The following IQSEC1 variants were observed in gnomAD, a reference collection of about 807,000 sequenced individuals.
IQSEC1 encodes the protein IQ motif and SEC7 domain-containing protein 1.
In IQSEC1, 31 loss-of-function variants were observed where a neutral mutation model predicts 91.0. That is an observed-to-expected ratio of 0.34 (90% confidence interval 0.26 to 0.46). The LOEUF is 0.46. Among genes scored for constraint, IQSEC1 ranks in the 20% least tolerant of loss-of-function variants. The pLI is 1.00. For missense variants in IQSEC1, 1,388 were observed against 1,575.6 expected (o/e 0.88, Z 2.02); for synonymous variants, 699 against 662.6 (o/e 1.05, Z -0.84).
rs1694153143 is a variant in IQSEC1, at chr3:12,900,595, C to T, written c.*388G>A. ...CAGCAAGTTTTGGGGTTTGTTTTGT[C>T]TGTTTTTGTATCTCATTTCTTCGTT... On this transcript the variant is annotated 3_prime_UTR_variant, in exon 14 of 14. Transcript: ENST00000613206. The T allele has an allele frequency of 1.9e-6, 2 of 1,026,716 alleles. No homozygotes were observed. The highest frequency in any genetic ancestry group is 2.3e-6 in the Non-Finnish European group (2 of 855,770). 63.6% of individuals were successfully genotyped at this position (1,026,716 alleles called of 1,614,324 possible).
At chr3:13,188,722 T>A (rs1693972441) in intron 1 of IQSEC1, among the ~76,000 whole-genome samples, 1 of 152,174 alleles carries the variant, frequency 6.6e-6, no homozygotes, top group Non-Finnish European at 1.5e-5. Flanking sequence ...GAAGTCCTCT[T>A]TCACCGCAGG....
At chr3:13,015,748 C>T (rs775294394) in intron 1 of IQSEC1, 6 of 985,150 alleles carry the variant, frequency 6.1e-6, no homozygotes, top group Non-Finnish European at 7.2e-6. Context: ...GGGTGCCAGG[C>T]ACCCTGGGGC....
At chr3:13,166,288 C>G (rs1350858303) in intron 1 of IQSEC1, among the ~76,000 whole-genome samples, 1 of 152,250 alleles carries the variant, frequency 6.6e-6, no homozygotes, top group Non-Finnish European at 1.5e-5. Context: ...CCACGTGAAG[C>G]TCTCTATTTA....
rs1693767731 is a variant in IQSEC1, at chr3:12,897,571, A to G, written c.*3412T>C. On this transcript the variant is annotated 3_prime_UTR_variant, in exon 14 of 14. Transcript: ENST00000613206. The stretch of plus-strand genomic sequence containing the variant: ...GCCTCCTCCCTCTTGTCCTGTGCTC[A>G]GCACCCCCACCTCACCCTGCTCAGT... 1 of 152,254 alleles carries G rather than the reference A, an allele frequency of 6.6e-6. No homozygotes were observed. Among genetic ancestry groups the G allele is most frequent in the Admixed American group, 6.5e-5 (1 of 15,290 alleles). 9.4% of individuals were successfully genotyped at this position (152,254 alleles called of 1,614,324 possible). A position where few individuals can be genotyped will look rare whatever the true frequency, so the allele number is the denominator to read the frequency against.
chr3:13,187,646 T>A (rs1187453736), intron 1 of IQSEC1, among the ~76,000 whole-genome samples: 1 of 152,218 alleles, frequency 6.6e-6, no homozygotes. Context: ...TAAACATTTA[T>A]ACACTAAATA....
At chr3:13,178,852 A>G (rs1369845310) in intron 1 of IQSEC1, among the ~76,000 whole-genome samples, 1 of 152,232 alleles carries the variant, frequency 6.6e-6, no homozygotes, top group Non-Finnish European at 1.5e-5. Flanking sequence ...ATAAACATAG[A>G]AACTGACCCT....
chr3:13,118,642 C>T (rs1706374200), intron 2 of IQSEC1, among the ~76,000 whole-genome samples: 1 of 152,122 alleles, frequency 6.6e-6, no homozygotes, highest in Admixed American at 6.5e-5. Context: ...TGGTGCTTGC[C>T]AAAGGCTGGG....
intron 3 of IQSEC1, among the ~76,000 whole-genome samples, chr3:12,931,323 C>A (rs1697653746): frequency 6.6e-6 from 1 of 152,196 alleles, no homozygotes; most frequent in African/African-American, 2.4e-5. Context: ...GAGAGCCCAT[C>A]CTTTCCATCA....
chr3:13,046,490 T>C (rs912674199), intron 1 of IQSEC1, among the ~76,000 whole-genome samples: 3 of 152,240 alleles, frequency 2.0e-5, no homozygotes, highest in Admixed American at 6.5e-5. Flanking sequence ...GTATAGCATC[T>C]GCTGCAACCC....
chr3:13,065,004 T>A (rs956813630), intron 1 of IQSEC1, among the ~76,000 whole-genome samples: 2 of 152,184 alleles, frequency 1.3e-5, no homozygotes, highest in African/African-American at 4.8e-5. Flanking sequence ...TGTGGGGGTG[T>A]TCATCTTGGA....
chr3:12,922,253 GAC>G lies in IQSEC1; in HGVS notation c.1731-13_1731-12del, dbSNP rs772301333. 3.8e-6 allele frequency: 6 copies of G among 1,574,686 alleles called. No individual in the cohort carries two copies. The Admixed American group carries it at 6.9e-5, about 18-fold the overall frequency. On this transcript the variant is annotated splice_polypyrimidine_tract_variant and intron_variant, in intron 4 of 13. Transcript: ENST00000613206. This position sits in a 1 kb window ranked among gnomAD's most constrained non-coding sequence, Gnocchi z 5.1. ...TCGTCCACGACGCAGCTGGAATAGA[GAC>G]AGACAGCCCCGCATAAGCACCCCTT...
In IQSEC1 at chr3:13,003,520, C is replaced by T. The variant is rs778699214; in HGVS notation, c.24-61655G>A. Among the ~76,000 whole-genome samples the T allele has an allele frequency of 5.7e-4, 87 of 151,994 alleles. No homozygotes were observed. The Middle Eastern group carries it at 0.017, about 30-fold the overall frequency. The stretch of plus-strand genomic sequence containing the variant: ...ATGGGTATGTGGTTTATTTTCAGGG[C>T]CATGGAAACGATTAAAAATAAAATT... On this transcript the variant is annotated intron_variant, in intron 1 of 13. Coordinates refer to ENST00000613206, the MANE Select transcript of IQSEC1 (RefSeq NM_001134382.3).
chr3:13,036,368 C>G (rs1704035282), intron 1 of IQSEC1, among the ~76,000 whole-genome samples: 1 of 152,152 alleles, frequency 6.6e-6, no homozygotes, highest in African/African-American at 2.4e-5. Context: ...TTTCACAAGG[C>G]TGTTGTGAGG....
intron 1 of IQSEC1, among the ~76,000 whole-genome samples, chr3:13,180,606 G>A (rs1277963897): frequency 1.3e-5 from 2 of 151,914 alleles, no homozygotes; most frequent in African/African-American, 2.4e-5. Flanking sequence ...TTGTTCTTTC[G>A]CTCTTTGCAA....
intron 1 of IQSEC1, among the ~76,000 whole-genome samples, chr3:13,054,918 G>A (rs923522679): frequency 2.6e-5 from 4 of 152,340 alleles, no homozygotes; most frequent in South Asian, 4.1e-4. Context: ...AGGTTACAGC[G>A]AGGCTCCCAG....
chr3:13,210,544 C>G (rs945886386), intron 1 of IQSEC1, among the ~76,000 whole-genome samples: 1 of 152,180 alleles, frequency 6.6e-6, no homozygotes, highest in African/African-American at 2.4e-5. Context: ...TGATGCGTGT[C>G]CATGCGGCTT....
At chr3:13,029,590 C>T (rs1350742442) in intron 1 of IQSEC1, among the ~76,000 whole-genome samples, 1 of 152,236 alleles carries the variant, frequency 6.6e-6, no homozygotes, top group Non-Finnish European at 1.5e-5. Flanking sequence ...TGCTGAGAGG[C>T]CTCAATTCTT....
At chr3:13,168,046 C>T (rs1693531847) in intron 1 of IQSEC1, among the ~76,000 whole-genome samples, 1 of 152,218 alleles carries the variant, frequency 6.6e-6, no homozygotes, top group Non-Finnish European at 1.5e-5. Context: ...AGTGGGGTTT[C>T]CATGGCAACA....
intron 1 of IQSEC1, among the ~76,000 whole-genome samples, chr3:12,971,084 T>C (rs924849405): frequency 6.6e-6 from 1 of 152,228 alleles, no homozygotes; most frequent in African/African-American, 2.4e-5. Flanking sequence ...GCTATGATGA[T>C]GAAGTTAAAC....
Sources: gnomAD v4.1 joint callset for allele counts (sites outside exome capture counted in the v4.1 genomes callset) on GRCh38, gnomAD v4.1.1 for gene constraint, Gnocchi (gnomAD v3.1) non-coding constraint, MANE v1.5 for transcripts, NCBI Gene and HGNC (gene_info 2026-07-23, HGNC 2026-07-21) for gene names.